Variants in NTM observed in about 807,000 individuals in gnomAD.
The protein encoded by NTM is IgLON family member 2.
In NTM, 13 loss-of-function variants were observed where a neutral mutation model predicts 42.1. The observed-to-expected ratio is 0.31, with a 90% confidence interval of 0.20 to 0.49. The LOEUF (loss-of-function observed/expected upper bound fraction) is 0.49, where lower values mean the gene tolerates loss of function less well. NTM is among the 20% of genes least tolerant of loss of function. The probability of loss-of-function intolerance (pLI) is 0.99; values close to 1 mark genes in which losing one functional copy is unlikely to be tolerated. For synonymous variants in NTM, 187 were observed against 179.2 expected (o/e 1.04, Z -0.35); for missense variants, 373 against 452.8 (o/e 0.82, Z 1.60).
intron 2 of NTM, among the ~76,000 whole-genome samples, chr11:132,004,605 TTCTCTCTC>T (rs71480226): frequency 3.5e-4 from 51 of 144,142 alleles, no homozygotes; most frequent in South Asian, 2.5e-3. Context: ...CTTTCTCTCT[TTCTCTCTC>T]TCTCTCTCTC....
chr11:131,626,034 A>T (rs145972517), intron 1 of NTM, among the ~76,000 whole-genome samples: 3 of 152,242 alleles, frequency 2.0e-5, no homozygotes, highest in Non-Finnish European at 4.4e-5. Flanking sequence ...TTTTTGTACA[A>T]GGCTTTTTTT....
At chr11:131,548,203 TTTCTTTTCCTTCTTTAATCTTAGC>T (rs1316990071) in intron 1 of NTM, among the ~76,000 whole-genome samples, 1 of 152,176 alleles carries the variant, frequency 6.6e-6, no homozygotes, top group Non-Finnish European at 1.5e-5. Flanking sequence ...TAAATCTTAG[TTTCTTTTCCTTCTTTAATCTTAGC>T]AAGAATTTTT....
At position 131,697,097 on chromosome 11, in the gene NTM, C is replaced by A. The variant is rs145097289; in HGVS notation, c.83-214467C>A. ...CCGGCTGGGGGCACGGTGGAATTGCCATGTAATTGTCAGGCTCTTTGCTTA... is the reference window on the plus strand; with the variant it reads ...CCGGCTGGGGGCACGGTGGAATTGCAATGTAATTGTCAGGCTCTTTGCTTA... On this transcript the variant is annotated intron_variant, in intron 1 of 8. Transcript: ENST00000683400. Among the ~76,000 whole-genome samples the A allele has an allele frequency of 7.2e-3, 1,096 of 152,270 alleles. 11 individuals are homozygous for A. The highest frequency in any genetic ancestry group is 0.025 in the African/African-American group (1,041 of 41,538).
intron 1 of NTM, among the ~76,000 whole-genome samples, chr11:131,508,828 T>A (rs1565580022): frequency 6.9e-6 from 1 of 145,294 alleles, no homozygotes. Flanking sequence ...AGGTGGGAAT[T>A]GAACAATGAG....
chr11:132,178,644 G>T (rs1417641612), intron 3 of NTM, among the ~76,000 whole-genome samples: 1 of 152,258 alleles, frequency 6.6e-6, no homozygotes, highest in East Asian at 1.9e-4. Flanking sequence ...TTGACGCCTT[G>T]TGTATTTTTT....
At chr11:132,238,582 A>G (rs1006052673) in intron 4 of NTM, among the ~76,000 whole-genome samples, 1 of 152,116 alleles carries the variant, frequency 6.6e-6, no homozygotes, top group African/African-American at 2.4e-5. Context: ...GTCTTTCGGT[A>G]TGAGAGGCAG....
At chr11:131,488,174 C>T (rs923309886) in intron 1 of NTM, among the ~76,000 whole-genome samples, 3 of 152,188 alleles carry the variant, frequency 2.0e-5, no homozygotes, top group African/African-American at 4.8e-5. Context: ...AAATACTCCA[C>T]CCCAAAACTT....
intron 2 of NTM, among the ~76,000 whole-genome samples, chr11:131,937,999 ATTAAT>A (rs2059405002): frequency 6.6e-6 from 1 of 152,182 alleles, no homozygotes; most frequent in Non-Finnish European, 1.5e-5. Context: ...CATGCTCTTA[ATTAAT>A]TTAACTATTA....
intron 2 of NTM, among the ~76,000 whole-genome samples, chr11:132,040,904 A>G (rs551729110): frequency 3.9e-5 from 6 of 152,264 alleles, no homozygotes; most frequent in South Asian, 4.2e-4. Context: ...CTGACACTCA[A>G]TGTCCTTATT....
chr11:131,824,882 C>G (rs981061577), intron 1 of NTM, among the ~76,000 whole-genome samples: 2 of 152,138 alleles, frequency 1.3e-5, no homozygotes, highest in South Asian at 4.1e-4. Context: ...ACTCTAGATG[C>G]TGGAGGACAA....
At chr11:132,136,477 C>T (rs185299362) in intron 2 of NTM, among the ~76,000 whole-genome samples, 231 of 152,326 alleles carry the variant, frequency 1.5e-3, no homozygotes, top group African/African-American at 5.3e-3. Context: ...GGTTTGGATA[C>T]AGCAGAGACT....
intron 2 of NTM, among the ~76,000 whole-genome samples, chr11:132,011,517 C>CT (rs1227630885): frequency 6.6e-6 from 1 of 152,124 alleles, no homozygotes; most frequent in East Asian, 1.9e-4. Flanking sequence ...CTAATGTGTT[C>CT]TTTTTTTCTT....
At chr11:131,730,504 C>T (rs975326776) in intron 1 of NTM, among the ~76,000 whole-genome samples, 4 of 151,874 alleles carry the variant, frequency 2.6e-5, no homozygotes, top group African/African-American at 7.3e-5. Context: ...AGGTTGAACC[C>T]GGGAGTTTGG....
intron 1 of NTM, among the ~76,000 whole-genome samples, chr11:131,528,461 AG>A (rs2050798974): frequency 6.6e-6 from 1 of 152,196 alleles, no homozygotes; most frequent in African/African-American, 2.4e-5. Context: ...AATAGAAGCT[AG>A]GGGATGTTAA....
At chr11:131,514,060 TAATG>T (rs1318516177) in intron 1 of NTM, among the ~76,000 whole-genome samples, 1 of 152,132 alleles carries the variant, frequency 6.6e-6, no homozygotes, top group African/African-American at 2.4e-5. Context: ...ATAATAATAA[TAATG>T]GTAAGTCAGC....
chr11:132,077,807 C>G (rs771260010), intron 2 of NTM, among the ~76,000 whole-genome samples: 3 of 152,180 alleles, frequency 2.0e-5, no homozygotes, highest in Non-Finnish European at 4.4e-5. Context: ...CCCTTTGTTG[C>G]CCATGCTGGT....
chr11:131,791,464 G>A (rs560542862), intron 1 of NTM, among the ~76,000 whole-genome samples: 4 of 152,194 alleles, frequency 2.6e-5, no homozygotes, highest in East Asian at 1.9e-4. Context: ...CACATATCAC[G>A]GATGTACAAC....
At chr11:131,789,420 A>AG (rs1333786471) in intron 1 of NTM, among the ~76,000 whole-genome samples, 2 of 49,036 alleles carry the variant, frequency 4.1e-5, no homozygotes, top group African/African-American at 2.0e-4. Flanking sequence ...TAAAAGAAAA[A>AG]AAGAAGAAGG....
chr11:132,179,719 T>C (rs912243023), intron 3 of NTM, among the ~76,000 whole-genome samples: 3 of 152,192 alleles, frequency 2.0e-5, no homozygotes, highest in South Asian at 2.1e-4. Flanking sequence ...TAAATGTAGA[T>C]AATTAGCCTT....
Sources: gnomAD v4.1 joint callset for allele counts (sites outside exome capture counted in the v4.1 genomes callset) on GRCh38, gnomAD v4.1.1 for gene constraint, MANE v1.5 for transcripts, NCBI Gene and HGNC (gene_info 2026-07-23, HGNC 2026-07-21) for gene names.